The following HMGB1 variants were observed in gnomAD, a reference collection of about 807,000 sequenced individuals.
HMGB1 encodes the protein high mobility group protein B1.
For synonymous variants in HMGB1, 81 were observed against 84.0 expected, an observed-to-expected ratio of 0.96 and a Z score of 0.19; for missense variants, 79 against 253.5, an observed-to-expected ratio of 0.31 and a Z score of 4.67.
intron 1 of HMGB1, among the ~76,000 whole-genome samples, chr13:30,561,611 G>C (rs952414499): frequency 6.6e-6 from 1 of 152,210 alleles, no homozygotes; most frequent in African/African-American, 2.4e-5. Flanking sequence ...CTGGGTTGAA[G>C]ACTGAGGAGA....
rs1032723970 is a variant in HMGB1 at position 30,464,667 on chromosome 13, G to T, written c.-14-973C>A. ...GGCTGGCTCCGCCCGCGGCCGCCGG[G>T]GCCGGCGCGCACGGAATGGCCGCTG... On this transcript the variant is annotated intron_variant, in intron 1 of 4. Coordinates refer to ENST00000341423, the MANE Select transcript of HMGB1 (RefSeq NM_002128.7). 3 of 982,006 alleles carry T rather than the reference G, an allele frequency of 3.1e-6. No homozygotes were observed. The African/African-American group carries it at 5.3e-5, about 17-fold the overall frequency. 60.8% of individuals were successfully genotyped at this position (982,006 alleles called of 1,614,324 possible). A position where few individuals can be genotyped will look rare whatever the true frequency, so the allele number is the denominator to read the frequency against.
chr13:30,547,739 A>G (rs1869227986), intron 1 of HMGB1, among the ~76,000 whole-genome samples: 1 of 152,104 alleles, frequency 6.6e-6, no homozygotes, highest in Non-Finnish European at 1.5e-5. Flanking sequence ...CAATGTGGTG[A>G]AACCCCGTCT....
chr13:30,472,281 A>G (rs577743127), intron 1 of HMGB1, among the ~76,000 whole-genome samples: 1 of 152,164 alleles, frequency 6.6e-6, no homozygotes, highest in African/African-American at 2.4e-5. Context: ...CAAAGATACA[A>G]ATAAAAAACT....
intron 2 of HMGB1, 65 bp downstream of exon 2, chr13:30,463,462 CTTTT>C: frequency 6.5e-7 from 1 of 1,543,856 alleles, no homozygotes; most frequent in Non-Finnish European, 8.8e-7. Flanking sequence ...GCCAACTAGG[CTTTT>C]TTTTGCATCC....
At chr13:30,598,242 T>G (rs1871704480) in intron 1 of HMGB1, among the ~76,000 whole-genome samples, 1 of 152,226 alleles carries the variant, frequency 6.6e-6, no homozygotes, top group Admixed American at 6.5e-5. Flanking sequence ...ATTTAAATAA[T>G]TAATGTACTT....
At chr13:30,483,443 C>T (rs1471513288) in intron 1 of HMGB1, among the ~76,000 whole-genome samples, 2 of 152,042 alleles carry the variant, frequency 1.3e-5, no homozygotes, top group African/African-American at 4.8e-5. Context: ...CTGTCACTTC[C>T]CTTCATTTCC....
chr13:30,528,983 C>T (rs1455581664), intron 1 of HMGB1, among the ~76,000 whole-genome samples: 3 of 135,656 alleles, frequency 2.2e-5, no homozygotes, highest in Non-Finnish European at 4.5e-5. Flanking sequence ...GAGCCGAGAT[C>T]GCGCCACTGC....
intron 1 of HMGB1, among the ~76,000 whole-genome samples, chr13:30,571,987 C>T (rs1256276130): frequency 6.6e-6 from 1 of 152,098 alleles, no homozygotes; most frequent in Non-Finnish European, 1.5e-5. Flanking sequence ...GAGGCAATTT[C>T]TGTGTTGATA....
chr13:30,468,987 G>A (rs1160591851), upstream of HMGB1, among the ~76,000 whole-genome samples: 2 of 151,778 alleles, frequency 1.3e-5, no homozygotes, highest in Non-Finnish European at 2.9e-5. Context: ...TCCACCTCCC[G>A]GGTTCAAGCA....
intron 1 of HMGB1, among the ~76,000 whole-genome samples, chr13:30,585,695 A>T (rs1871114873): frequency 6.6e-6 from 1 of 152,098 alleles, no homozygotes; most frequent in Non-Finnish European, 1.5e-5. Context: ...TATATAGTTG[A>T]TTCTGCAGGG....
intron 1 of HMGB1, among the ~76,000 whole-genome samples, chr13:30,580,013 C>A (rs746303509): frequency 1.3e-5 from 2 of 152,190 alleles, no homozygotes; most frequent in Non-Finnish European, 2.9e-5. Flanking sequence ...TACAATCTTA[C>A]TTAAGACGAA....
At chr13:30,492,200 A>G (rs997917436) in intron 1 of HMGB1, among the ~76,000 whole-genome samples, 1 of 151,824 alleles carries the variant, frequency 6.6e-6, no homozygotes, top group Non-Finnish European at 1.5e-5. Context: ...ATGTTAAGTA[A>G]ATGAAAAGGC....
chr13:30,537,663 A>C (rs1207281505), intron 1 of HMGB1, among the ~76,000 whole-genome samples: 1,862 of 79,018 alleles, frequency 0.024, 64 homozygotes, highest in African/African-American at 0.13. Context: ...ATATATATAT[A>C]TATATATATA....
chr13:30,471,789 C>T lies in HMGB1; in HGVS notation c.-14-8095G>A, dbSNP rs1235139568. Among the ~76,000 whole-genome samples, 8 of 151,390 alleles carry T rather than the reference C, an allele frequency of 5.3e-5. No individual in the cohort carries two copies. In the East Asian group the frequency reaches 1.4e-3, roughly 26 times the overall value. On this transcript the variant is annotated intron_variant, in intron 1 of 4. Coordinates refer to the HMGB1 transcript ENST00000405805. ...GTTCAAGCGATTCTCCTGCCTCAGC[C>T]TCCAGAGTAGCTGGGATTACAGGCA... is the stretch of plus-strand genomic sequence containing the variant.
At chr13:30,564,261 C>T (rs1176398927) in intron 1 of HMGB1, among the ~76,000 whole-genome samples, 4 of 136,388 alleles carry the variant, frequency 2.9e-5, no homozygotes, top group South Asian at 2.4e-4. Flanking sequence ...GGCAAAAACC[C>T]GGCTCTACTA....
intron 1 of HMGB1, among the ~76,000 whole-genome samples, chr13:30,537,652 C>CCTATATATAT (rs1555238610): frequency 4.4e-5 from 3 of 68,004 alleles, no homozygotes; most frequent in African/African-American, 1.1e-4. Context: ...CATTCTTGTT[C>CCTATATATAT]ATATATATAT....
At chr13:30,541,328 T>C (rs1868872298) in intron 1 of HMGB1, among the ~76,000 whole-genome samples, 1 of 146,448 alleles carries the variant, frequency 6.8e-6, no homozygotes, top group African/African-American at 2.7e-5. Flanking sequence ...ACTCCATCTC[T>C]AAAATTAAAA....
At chr13:30,611,073 A>AT (rs1454460006) in intron 1 of HMGB1, among the ~76,000 whole-genome samples, 2 of 152,228 alleles carry the variant, frequency 1.3e-5, no homozygotes, top group Non-Finnish European at 2.9e-5. Context: ...CAGTTAAGTG[A>AT]TTTTACGGTC....
At chr13:30,510,472 T>C (rs1887967170) in intron 1 of HMGB1, among the ~76,000 whole-genome samples, 1 of 152,178 alleles carries the variant, frequency 6.6e-6, no homozygotes, top group Non-Finnish European at 1.5e-5. Flanking sequence ...AAAGAAAGGA[T>C]AAATCCCTCT....
Sources: allele counts gnomAD v4.1 joint callset (sites outside exome capture counted in the v4.1 genomes callset), GRCh38; gene constraint gnomAD v4.1.1; transcripts MANE v1.5; gene names NCBI Gene and HGNC (gene_info 2026-07-23, HGNC 2026-07-21).